Variants in VTI1A observed in about 807,000 individuals in gnomAD.
VTI1A encodes the protein vesicle transport through interaction with t-SNAREs homolog 1A.
In VTI1A, 22 loss-of-function variants were observed where a neutral mutation model predicts 34.9. That is an observed-to-expected ratio of 0.63 (90% CI 0.45 to 0.90). The LOEUF (loss-of-function observed/expected upper bound fraction) is 0.90. Among genes scored for constraint, VTI1A ranks in the 40% least tolerant of loss-of-function variants. The pLI is 0.00. For missense variants in VTI1A, 268 were observed against 275.6 expected (o/e 0.97, Z 0.20); for synonymous variants, 87 against 97.3 (o/e 0.89, Z 0.62).
At chr10:112,474,361 C>T (rs1233452988) in intron 3 of VTI1A, among the ~76,000 whole-genome samples, 2 of 151,228 alleles carry the variant, frequency 1.3e-5, no homozygotes, top group Non-Finnish European at 3.0e-5. Context: ...CAACTATGAC[C>T]TTTAAGAGAG....
intron 3 of VTI1A, among the ~76,000 whole-genome samples, chr10:112,471,037 T>C (rs765553931): frequency 3.9e-5 from 6 of 152,244 alleles, no homozygotes; most frequent in Non-Finnish European, 5.9e-5. Context: ...TTAACTAATA[T>C]TGATTTCCTC....
intron 3 of VTI1A, among the ~76,000 whole-genome samples, chr10:112,510,181 G>T (rs562443719): frequency 4.3e-4 from 65 of 152,310 alleles, no homozygotes; most frequent in African/African-American, 1.6e-3. Context: ...ATTTGACAAT[G>T]ACCTAAGAGC....
chr10:112,758,296 A>T (rs538880453), intron 7 of VTI1A, among the ~76,000 whole-genome samples: 1 of 152,032 alleles, frequency 6.6e-6, no homozygotes, highest in Admixed American at 6.5e-5. Flanking sequence ...CATCATCTCT[A>T]AGGAGTATCT....
At chr10:112,575,384 A>G (rs896468934) in intron 5 of VTI1A, among the ~76,000 whole-genome samples, 1 of 152,330 alleles carries the variant, frequency 6.6e-6, no homozygotes, top group Non-Finnish European at 1.5e-5. Context: ...TCATAAATGT[A>G]CAAGTCAAGG....
At chr10:112,737,489 T>C in intron 7 of VTI1A, 1 of 1,050,540 alleles carries the variant, frequency 9.5e-7, no homozygotes. Flanking sequence ...CTTCCGCATC[T>C]TCTGTTCCCT....
Position 112,447,528 on chromosome 10 carries a change from G to A in VTI1A, c.94+61G>A, listed in dbSNP as rs144880372. On this transcript the variant is annotated intron_variant, in intron 1 of 7. Transcript: ENST00000393077. ...GAGAGCTGGGAGGGTGCGGGCGGTG[G>A]AACGCCGCCCGAGTAAGTGTGTCTA... 1,533 of 1,564,072 alleles carry A rather than the reference G, an allele frequency of 9.8e-4. 33 individuals carry two copies. In the East Asian group the frequency reaches 0.025, roughly 25 times the overall value.
At chr10:112,753,271 T>TATAATAATAATA (rs10566277) in intron 7 of VTI1A, among the ~76,000 whole-genome samples, 2 of 150,236 alleles carry the variant, frequency 1.3e-5, no homozygotes, top group African/African-American at 4.9e-5. Context: ...CTCTTTTAAA[T>TATAATAATAATA]ATAATAATAA....
At chr10:112,685,433 T>C (rs1848368925) in intron 7 of VTI1A, among the ~76,000 whole-genome samples, 1 of 152,218 alleles carries the variant, frequency 6.6e-6, no homozygotes, top group African/African-American at 2.4e-5. Context: ...ATGCTGCTGT[T>C]GCATTACTGG....
chr10:112,845,359 G>A, the VTI1A span, among the ~76,000 whole-genome samples: 1 of 152,218 alleles, frequency 6.6e-6, no homozygotes, highest in African/African-American at 2.4e-5. Flanking sequence ...GGCTGTTCCA[G>A]GTTGGCACAG....
chr10:112,461,229 C>G (rs1847714857), intron 2 of VTI1A, among the ~76,000 whole-genome samples: 1 of 152,210 alleles, frequency 6.6e-6, no homozygotes, highest in Non-Finnish European at 1.5e-5. Context: ...GAACGAGAGC[C>G]TAGAAAATGT....
intron 3 of VTI1A, among the ~76,000 whole-genome samples, chr10:112,499,231 CCT>C (rs1370373781): frequency 6.6e-6 from 1 of 152,018 alleles, no homozygotes; most frequent in Non-Finnish European, 1.5e-5. Flanking sequence ...ACACGTGACC[CCT>C]GTTTCTGAGG....
chr10:112,514,439 A>G (rs1849708642), intron 3 of VTI1A, among the ~76,000 whole-genome samples: 1 of 151,482 alleles, frequency 6.6e-6, no homozygotes, highest in Admixed American at 6.6e-5. Flanking sequence ...TTATCTTTTC[A>G]TAATATCAAC....
intron 7 of VTI1A, among the ~76,000 whole-genome samples, chr10:112,733,725 A>ATTAT (rs1850350814): frequency 7.8e-6 from 1 of 128,496 alleles, no homozygotes; most frequent in South Asian, 2.4e-4. Context: ...TCTCATTTAC[A>ATTAT]TTATTTTATT....
chr10:112,714,296 A>G (rs1480123031), intron 7 of VTI1A, among the ~76,000 whole-genome samples: 1 of 152,164 alleles, frequency 6.6e-6, no homozygotes, highest in Non-Finnish European at 1.5e-5. Context: ...GATCTCAGAT[A>G]AGCCCCTCAT....
At chr10:112,851,531 GT>G in the VTI1A span, among the ~76,000 whole-genome samples, 1 of 152,228 alleles carries the variant, frequency 6.6e-6, no homozygotes, top group South Asian at 2.1e-4. Context: ...AGGCTGCTCT[GT>G]TTGGGAAGTA....
At chr10:112,709,682 C>CTTTTTTT (rs57081938) in intron 7 of VTI1A, among the ~76,000 whole-genome samples, 2 of 70,256 alleles carry the variant, frequency 2.8e-5, no homozygotes, top group Non-Finnish European at 5.2e-5. Flanking sequence ...CTCTATGTGG[C>CTTTTTTT]TTTTTTTTTT....
At chr10:112,726,682 CT>C (rs1284308920) in intron 7 of VTI1A, among the ~76,000 whole-genome samples, 2 of 152,218 alleles carry the variant, frequency 1.3e-5, no homozygotes, top group Non-Finnish European at 2.9e-5. Flanking sequence ...TAGAACCTCT[CT>C]CTGGAAAAAT....
At chr10:112,561,857 C>T (rs73365093) in intron 5 of VTI1A, among the ~76,000 whole-genome samples, 2,254 of 152,194 alleles carry the variant, frequency 0.015, 62 homozygotes, top group African/African-American at 0.052. Context: ...TTCTCTTTCC[C>T]TCTCAGAAAT....
chr10:112,488,448 C>T (rs913012807), intron 3 of VTI1A, among the ~76,000 whole-genome samples: 3 of 152,108 alleles, frequency 2.0e-5, no homozygotes, highest in East Asian at 1.9e-4. Context: ...GACTAAAATG[C>T]CTCTGTTATT....
Sources: gnomAD v4.1 joint callset for allele counts (sites outside exome capture counted in the v4.1 genomes callset) on GRCh38, gnomAD v4.1.1 for gene constraint, MANE v1.5 for transcripts, NCBI Gene and HGNC (gene_info 2026-07-23, HGNC 2026-07-21) for gene names.